Variants in ZNF26 observed in about 807,000 individuals in gnomAD.
ZNF26 encodes zinc finger protein 26, also known as epididymis luminal protein 179.
A neutral mutation model predicts 54.9 loss-of-function variants in ZNF26; 32 were observed. The observed-to-expected ratio is 0.58, with a 90% CI of 0.44 to 0.78. The LOEUF is 0.78. Among genes scored for constraint, ZNF26 ranks in the 30% least tolerant of loss-of-function variants. ZNF26 has a pLI of 0.00. For synonymous variants in ZNF26, 221 were observed against 209.2 expected (o/e 1.06, Z -0.49); for missense variants, 524 against 634.0 (o/e 0.83, Z 1.86).
At position 133,010,123 on chromosome 12, in the gene ZNF26, T is replaced by G; in HGVS notation, c.257-13T>G. 6.3e-7 allele frequency: 1 copy of G among 1,575,662 alleles called. No homozygotes were observed. Among genetic ancestry groups the G allele is most frequent in the Non-Finnish European group, 8.6e-7 (1 of 1,167,094 alleles). ...ATGATTCAAAAAGTTATATTTTGTT[T>G]GTTTTTTTGTAGATGGCTGGGAAGA... On this transcript the variant is annotated splice_polypyrimidine_tract_variant and intron_variant, in intron 3 of 3. Coordinates refer to ENST00000328654, the MANE Select transcript of ZNF26 (RefSeq NM_019591.4).
At chr12:133,002,100 C>T (rs1953230266) in intron 1 of ZNF26, among the ~76,000 whole-genome samples, 1 of 152,124 alleles carries the variant, frequency 6.6e-6, no homozygotes. Flanking sequence ...TTGGATCTCC[C>T]CCATCTTCCG....
Position 133,014,361 on chromosome 12 carries a change from T to A in ZNF26, c.*2880T>A, listed in dbSNP as rs939325470. ...CCAGGAGGTCAAGGATGCAGTGAGC[T>A]GCACTGTACTCCAGTCTGGGCAACA... On this transcript the variant is annotated 3_prime_UTR_variant, in exon 4 of 4. Coordinates refer to ENST00000328654, the MANE Select transcript of ZNF26 (RefSeq NM_019591.4). 3.9e-5 allele frequency: 6 copies of A among 152,366 alleles called. No individual in the cohort carries two copies. Among genetic ancestry groups the A allele is most frequent in the African/African-American group, 1.5e-4 (6 of 41,370 alleles). The allele number at this position is 152,366 out of a possible 1,614,324, so 9.4% of individuals were successfully genotyped here.
chr12:133,016,597 C>A lies in ZNF26; in HGVS notation c.*5116C>A, dbSNP rs1318890086. ...CTCAGGAATTTGAGACCAGTCTGGACAACAAAGCAAAACCCCATCTCTGAA... is the reference window on the plus strand; with the variant it reads ...CTCAGGAATTTGAGACCAGTCTGGAAAACAAAGCAAAACCCCATCTCTGAA... On this transcript the variant is annotated 3_prime_UTR_variant, in exon 4 of 4. Coordinates refer to ENST00000328654, the MANE Select transcript of ZNF26 (RefSeq NM_019591.4). 1 of 148,644 alleles carries A rather than the reference C, an allele frequency of 6.7e-6. No homozygotes were observed. Among genetic ancestry groups the A allele is most frequent in the Non-Finnish European group, 1.5e-5 (1 of 67,442 alleles). 9.2% of individuals were successfully genotyped at this position (148,644 alleles called of 1,614,324 possible).
Position 132,986,780 on chromosome 12 carries a change from C to A in ZNF26, c.-61C>A, listed in dbSNP as rs983984838. The stretch of plus-strand genomic sequence containing the variant: ...TGTCTTCGGGCGGACGCATCCCTCA[C>A]GGTCTCTCCGCAGCCCGCGGGTCCT... On this transcript the variant is annotated 5_prime_UTR_variant, in exon 1 of 4. Coordinates refer to ENST00000328654, the MANE Select transcript of ZNF26 (RefSeq NM_019591.4). 159 of 1,552,178 alleles carry A rather than the reference C, an allele frequency of 1.0e-4. 2 individuals are homozygous for A. Among genetic ancestry groups the A allele is most frequent in the Middle Eastern group, 5.1e-4 (3 of 5,874 alleles).
At position 132,986,442 on chromosome 12, in the gene ZNF26, G is replaced by C; in HGVS notation, c.-399G>C. ...CTCAGTGGACCGGAATCTGGCCAGC[G>C]GGTGTACCTGGCTGAGTCTCTGTGG... On this transcript the variant is annotated 5_prime_UTR_variant, in exon 1 of 4. Transcript: ENST00000328654. The C allele has an allele frequency of 4.8e-6, 1 of 209,774 alleles. No individual in the cohort carries two copies. Among genetic ancestry groups the C allele is most frequent in the Non-Finnish European group, 9.6e-6 (1 of 103,930 alleles). 13.0% of individuals were successfully genotyped at this position (209,774 alleles called of 1,614,324 possible).
At position 133,020,782 on chromosome 12, in the gene ZNF26, C is replaced by CT. The variant is rs1953629740; in HGVS notation, c.*9302dup. On this transcript the variant is annotated 3_prime_UTR_variant, in exon 4 of 4. Coordinates refer to ENST00000328654, the MANE Select transcript of ZNF26 (RefSeq NM_019591.4). ...CAGGTTTTGGTTCCTTCTGAGGGCT[C>CT]TGAGGGAAGGATCTGTTCCAGGCCT... 1 of 152,226 alleles carries CT rather than the reference C, an allele frequency of 6.6e-6. No homozygotes were observed. The highest frequency in any genetic ancestry group is 1.5e-5 in the Non-Finnish European group (1 of 68,046). The allele number at this position is 152,226 out of a possible 1,614,324, so 9.4% of individuals were successfully genotyped here.
Position 133,015,189 on chromosome 12 carries a change from A to G in ZNF26, c.*3708A>G, listed in dbSNP as rs1953549576. 1 of 151,894 alleles carries G rather than the reference A, an allele frequency of 6.6e-6. No individual in the cohort carries two copies. The highest frequency in any genetic ancestry group is 1.5e-5 in the Non-Finnish European group (1 of 68,002). 9.4% of individuals were successfully genotyped at this position (151,894 alleles called of 1,614,324 possible). ...GCCAATATGGTGAAATCCCGTCTCA[A>G]CTAAAAATACAAAAATTAGTCGGGC... On this transcript the variant is annotated 3_prime_UTR_variant, in exon 4 of 4. Transcript: ENST00000328654.
rs67278075 is a variant in ZNF26 at position 133,015,353 on chromosome 12, CAAAAAAAAAAA to C, written c.*3879_*3889del. ...TGGGTGACAGAGTGAGACTCTGTCT[CAAAAAAAAAAA>C]AAAAAAGAAAAGAAAATGACAAACA... On this transcript the variant is annotated 3_prime_UTR_variant, in exon 4 of 4. Coordinates refer to ENST00000328654, the MANE Select transcript of ZNF26 (RefSeq NM_019591.4). The C allele has an allele frequency of 1.0e-5, 1 of 98,442 alleles. No individual in the cohort carries two copies. The allele number at this position is 98,442 out of a possible 1,614,324, so 6.1% of individuals were successfully genotyped here.
intron 1 of ZNF26, among the ~76,000 whole-genome samples, chr12:132,998,090 T>C (rs1953129783): frequency 6.6e-6 from 1 of 152,172 alleles, no homozygotes; most frequent in Admixed American, 6.5e-5. Flanking sequence ...GGCCTGGTTA[T>C]TTGCATAAAG....
intron 1 of ZNF26, chr12:133,005,355 C>T (rs1236271455): frequency 6.6e-6 from 1 of 152,216 alleles, no homozygotes; most frequent in East Asian, 1.9e-4. Flanking sequence ...GGTGCCCACC[C>T]CCACGCCTGG....
chr12:132,990,267 G>A (rs1952919518), intron 1 of ZNF26, among the ~76,000 whole-genome samples: 1 of 152,138 alleles, frequency 6.6e-6, no homozygotes, highest in African/African-American at 2.4e-5. Flanking sequence ...CAGCCTGGGT[G>A]ACAGAGCGAG....
At position 133,010,216 on chromosome 12, in the gene ZNF26, A is replaced by G. The variant is rs1593669451; in HGVS notation, c.337A>G (p.Arg113Gly). ...ERSYACSVLG[R>G]LNLSKTHDSS... ...AAGCTATGCTTGTAGTGTGTTGGGA[A>G]GACTTAATCTGAGCAAAACCCATGA... Residue 113 changes from arginine (R) to glycine (G), a missense_variant, in exon 4 of 4, where the codon AGA (arginine) becomes GGA (glycine). Coordinates refer to ENST00000328654, the MANE Select transcript of ZNF26 (RefSeq NM_019591.4). 1.1e-5 allele frequency: 18 copies of G among 1,613,950 alleles called. No homozygotes were observed. In the East Asian group the frequency reaches 4.0e-4, roughly 36 times the overall value.
At chr12:132,998,497 G>A (rs983797800) in intron 1 of ZNF26, among the ~76,000 whole-genome samples, 3 of 152,064 alleles carry the variant, frequency 2.0e-5, no homozygotes, top group African/African-American at 7.2e-5. Context: ...TTTTGGATTC[G>A]ACTTTTTAAA....
intron 1 of ZNF26, among the ~76,000 whole-genome samples, chr12:132,987,076 G>T (rs1952837566): frequency 6.6e-6 from 1 of 152,302 alleles, no homozygotes; most frequent in East Asian, 1.9e-4. Context: ...GTGGTATTCT[G>T]TGACGGGCAG....
At chr12:132,999,120 C>T (rs1024895262) in intron 1 of ZNF26, among the ~76,000 whole-genome samples, 4 of 152,164 alleles carry the variant, frequency 2.6e-5, no homozygotes, top group Non-Finnish European at 4.4e-5. Flanking sequence ...CAGGGACTGT[C>T]GAATCCAACA....
rs1593671885 is a variant in ZNF26, at chr12:133,011,432, C to G, written c.1553C>G (p.Ser518Cys). 6 of 1,587,112 alleles carry G rather than the reference C, an allele frequency of 3.8e-6. No individual in the cohort carries two copies. In the East Asian group the frequency reaches 1.3e-4, roughly 36 times the overall value. ...KPWKCSECGK[S>C]FCWNSGLRIH... ...TGGAAATGCTCTGAATGTGGGAAAT[C>G]CTTCTGTTGGAATTCAGGGCTTCGT... The change falls in exon 4 of 4, where the codon TCC becomes TGC. Residue 518 changes from serine (S) to cysteine (C), a missense_variant. Coordinates refer to ENST00000328654, the MANE Select transcript of ZNF26 (RefSeq NM_019591.4).
At position 133,019,771 on chromosome 12, in the gene ZNF26, C is replaced by G. The variant is rs1953614579; in HGVS notation, c.*8290C>G. 6.6e-6 allele frequency: 1 copy of G among 152,102 alleles called. No individual in the cohort carries two copies. The highest frequency in any genetic ancestry group is 6.5e-5 in the Admixed American group (1 of 15,270). The allele number at this position is 152,102 out of a possible 1,614,324, so 9.4% of individuals were successfully genotyped here. Reference sequence around the variant, plus strand: ...CATCAAAGAGACACCTGCACTCTCACGTTTCCTGCAGCACTATCCACAAGA... The same window carrying G: ...CATCAAAGAGACACCTGCACTCTCAGGTTTCCTGCAGCACTATCCACAAGA... On this transcript the variant is annotated 3_prime_UTR_variant, in exon 4 of 4. Transcript: ENST00000328654.
intron 1 of ZNF26, chr12:133,006,760 A>G (rs1347043537): frequency 2.4e-5 from 7 of 289,826 alleles, no homozygotes; most frequent in South Asian, 9.1e-5. Context: ...GCGCCCAGCT[A>G]ATTTTTGTAT....
rs1336743728 is a variant in ZNF26, at chr12:133,017,553, A to G, written c.*6072A>G. 3.3e-5 allele frequency: 5 copies of G among 152,180 alleles called. No individual in the cohort carries two copies. The highest frequency in any genetic ancestry group is 5.9e-5 in the Non-Finnish European group (4 of 68,052). 9.4% of individuals were successfully genotyped at this position (152,180 alleles called of 1,614,324 possible). The stretch of plus-strand genomic sequence containing the variant: ...GGGAACGGGATCAGCTCCACTTAAC[A>G]TCATTTCCAGTGATCAGTTTGGAGA... On this transcript the variant is annotated 3_prime_UTR_variant, in exon 4 of 4. Transcript: ENST00000328654.
Sources: gnomAD v4.1 joint callset for allele counts (sites outside exome capture counted in the v4.1 genomes callset) on GRCh38, gnomAD v4.1.1 for gene constraint, MANE v1.5 for transcripts, NCBI Gene and HGNC (gene_info 2026-07-23, HGNC 2026-07-21) for gene names.